The following MARCHF1 variants were observed in gnomAD, a reference collection of about 807,000 sequenced individuals.
MARCHF1 encodes membrane associated ring-CH-type finger 1, also known as E3 ubiquitin-protein ligase MARCHF1.
MARCHF1 carries 40 observed loss-of-function variants against 54.2 expected under a neutral mutation model. The observed-to-expected ratio is 0.74, with a 90% CI of 0.57 to 0.96. The LOEUF is 0.96. MARCHF1 is among the 40% of genes least tolerant of loss of function. The pLI is 0.00. For missense variants in MARCHF1, 586 were observed against 656.5 expected, an observed-to-expected ratio of 0.89 and a Z score of 1.17; for synonymous variants, 236 against 236.3, an observed-to-expected ratio of 1.00 and a Z score of 0.01.
intron 1 of MARCHF1, among the ~76,000 whole-genome samples, chr4:164,244,936 T>G (rs1413005173): frequency 6.6e-6 from 1 of 152,056 alleles, no homozygotes; most frequent in Admixed American, 6.5e-5. Flanking sequence ...AATAGACCAA[T>G]AACAGGAGCT....
chr4:164,142,060 A>G (rs1287246704), intron 1 of MARCHF1, among the ~76,000 whole-genome samples: 2 of 152,176 alleles, frequency 1.3e-5, no homozygotes, highest in Non-Finnish European at 2.9e-5. Flanking sequence ...AAGGGGTGAC[A>G]GACGGCACCT....
intron 5 of MARCHF1, among the ~76,000 whole-genome samples, chr4:163,636,853 A>G (rs1165644501): frequency 6.6e-6 from 1 of 152,246 alleles, no homozygotes; most frequent in Middle Eastern, 3.2e-3. Flanking sequence ...CTATACTACA[A>G]GGCTACAGTA....
chr4:164,124,863 A>G (rs1033517683), intron 1 of MARCHF1, among the ~76,000 whole-genome samples: 1 of 152,116 alleles, frequency 6.6e-6, no homozygotes, highest in Non-Finnish European at 1.5e-5. Context: ...AATAAGACCT[A>G]CTATTTGATA....
intron 1 of MARCHF1, among the ~76,000 whole-genome samples, chr4:164,239,048 T>C (rs1008387032): frequency 2.0e-5 from 3 of 152,034 alleles, no homozygotes; most frequent in African/African-American, 7.2e-5. Context: ...TTTTTCAGGT[T>C]ATATATTTGT....
chr4:164,325,966 C>A (rs1735270101), intron 1 of MARCHF1, among the ~76,000 whole-genome samples: 1 of 152,106 alleles, frequency 6.6e-6, no homozygotes, highest in Admixed American at 6.6e-5. Context: ...GGCACTCAAG[C>A]TGCAGTTCAC....
At chr4:163,744,261 GA>G (rs1397424581) in intron 4 of MARCHF1, among the ~76,000 whole-genome samples, 1 of 152,040 alleles carries the variant, frequency 6.6e-6, no homozygotes, top group Non-Finnish European at 1.5e-5. Context: ...TTTTTTAGGG[GA>G]AAGCCTCAGG....
At chr4:164,188,712 T>A in intron 1 of MARCHF1, 1 of 1,065,888 alleles carries the variant, frequency 9.4e-7, no homozygotes, top group Non-Finnish European at 1.5e-6. Context: ...CAGCAGGACA[T>A]CAAGTTCTTG....
At chr4:163,925,421 C>G (rs1047602989) in intron 3 of MARCHF1, among the ~76,000 whole-genome samples, 1 of 151,746 alleles carries the variant, frequency 6.6e-6, no homozygotes, top group Admixed American at 6.6e-5. Context: ...CTTAGTGTCT[C>G]TAGCTTTAAT....
chr4:164,231,951 T>C (rs1732425376), intron 1 of MARCHF1, among the ~76,000 whole-genome samples: 1 of 152,142 alleles, frequency 6.6e-6, no homozygotes, highest in Non-Finnish European at 1.5e-5. Flanking sequence ...CCTAGTCATA[T>C]CATAAACAAA....
chr4:163,531,819 C>CA (rs1241037797), intron 9 of MARCHF1, among the ~76,000 whole-genome samples: 3 of 151,392 alleles, frequency 2.0e-5, no homozygotes, highest in African/African-American at 7.3e-5. Flanking sequence ...AACATAAGCC[C>CA]ATTTACATTT....
chr4:163,721,550 A>G (rs921362766), intron 4 of MARCHF1, among the ~76,000 whole-genome samples: 7 of 152,226 alleles, frequency 4.6e-5, no homozygotes, highest in Middle Eastern at 3.4e-3. Context: ...TCATAAAATG[A>G]GTTAGGGAGG....
chr4:163,668,433 G>A (rs80090896), intron 5 of MARCHF1, among the ~76,000 whole-genome samples: 377 of 152,234 alleles, frequency 2.5e-3, no homozygotes, highest in African/African-American at 7.7e-3. Context: ...CAATAGGATC[G>A]TTGCACATAC....
At chr4:163,778,799 T>C (rs1198637290) in intron 4 of MARCHF1, among the ~76,000 whole-genome samples, 1 of 152,042 alleles carries the variant, frequency 6.6e-6, no homozygotes, top group East Asian at 1.9e-4. Flanking sequence ...CTAAACAATG[T>C]GTACACGTGG....
At chr4:164,188,683 G>A (rs1330294090) in intron 1 of MARCHF1, 6 of 1,109,064 alleles carry the variant, frequency 5.4e-6, no homozygotes, top group Middle Eastern at 1.9e-4. Flanking sequence ...TCGGCCGCAC[G>A]TGGAACGACC....
At chr4:163,797,182 T>C (rs983616274) in intron 4 of MARCHF1, among the ~76,000 whole-genome samples, 2 of 152,114 alleles carry the variant, frequency 1.3e-5, no homozygotes, top group Non-Finnish European at 2.9e-5. Flanking sequence ...TCTCTTTATA[T>C]ATTGAGTATA....
At chr4:164,063,293 T>C (rs1412850854) in intron 2 of MARCHF1, among the ~76,000 whole-genome samples, 1 of 152,220 alleles carries the variant, frequency 6.6e-6, no homozygotes. Flanking sequence ...AAGTCTTAAA[T>C]GGCATCTTCT....
rs1166677171 is a variant in MARCHF1 at position 163,957,035 on chromosome 4, AAATT to A, written c.-39+31462_-39+31465del. 6.6e-5 allele frequency among the ~76,000 whole-genome samples: 10 copies of A among 152,148 alleles called. No individual in the cohort carries two copies. The East Asian group carries it at 1.2e-3, about 18-fold the overall frequency. On this transcript the variant is annotated intron_variant, in intron 3 of 9. Transcript: ENST00000514618. ...GTAGAGACTCTATGTGACTTTTATT[AAATT>A]AATTACTATTTTTAAATGCTAAATA...
At chr4:163,892,042 T>C (rs1398163770) in intron 3 of MARCHF1, among the ~76,000 whole-genome samples, 1 of 152,082 alleles carries the variant, frequency 6.6e-6, no homozygotes, top group East Asian at 1.9e-4. Context: ...ATTGAAAACC[T>C]CAGCTCACTG....
At chr4:164,184,198 T>G (rs537520817) in intron 1 of MARCHF1, among the ~76,000 whole-genome samples, 11 of 152,308 alleles carry the variant, frequency 7.2e-5, no homozygotes, top group African/African-American at 2.6e-4. Context: ...ATATGAGATT[T>G]TACAACTTTT....
Sources: allele counts gnomAD v4.1 joint callset (sites outside exome capture counted in the v4.1 genomes callset), GRCh38; gene constraint gnomAD v4.1.1; transcripts MANE v1.5; gene names NCBI Gene and HGNC (gene_info 2026-07-23, HGNC 2026-07-21).